Variants in EPHA6 observed in about 807,000 individuals in gnomAD.
The protein encoded by EPHA6 is EPH receptor A6.
In EPHA6, 50 loss-of-function variants were observed where a neutral mutation model predicts 112.0. That is an observed-to-expected ratio of 0.45 (90% CI 0.36 to 0.56). The LOEUF (loss-of-function observed/expected upper bound fraction) is 0.56. Among genes scored for constraint, EPHA6 ranks in the 20% least tolerant of loss-of-function variants. The pLI, the probability that EPHA6 is intolerant of heterozygous loss-of-function variation, is 0.00. For synonymous variants in EPHA6, 529 were observed against 490.7 expected (o/e 1.08, Z -1.03); for missense variants, 1,280 against 1,417.4 (o/e 0.90, Z 1.56).
intron 3 of EPHA6, among the ~76,000 whole-genome samples, chr3:97,027,343 G>C (rs1228955492): frequency 6.6e-6 from 1 of 152,026 alleles, no homozygotes; most frequent in African/African-American, 2.4e-5. Context: ...ATGAGTACTA[G>C]GCTTAATACC....
intron 3 of EPHA6, among the ~76,000 whole-genome samples, chr3:97,152,521 G>A (rs1210289132): frequency 6.6e-6 from 1 of 151,386 alleles, no homozygotes; most frequent in Non-Finnish European, 1.5e-5. Flanking sequence ...AATGCATAGA[G>A]GAGCAAAATT....
intron 3 of EPHA6, among the ~76,000 whole-genome samples, chr3:97,220,259 T>C (rs932482406): frequency 6.6e-6 from 1 of 152,230 alleles, no homozygotes; most frequent in African/African-American, 2.4e-5. Flanking sequence ...TCTAGAAAGT[T>C]CCAAACTTTC....
At chr3:97,437,403 T>C (rs1208214276) in intron 6 of EPHA6, among the ~76,000 whole-genome samples, 1 of 152,194 alleles carries the variant, frequency 6.6e-6, no homozygotes, top group Non-Finnish European at 1.5e-5. Flanking sequence ...TGGTTTAACT[T>C]TGAAAATGTT....
At chr3:97,289,351 T>G (rs2080595969) in intron 5 of EPHA6, among the ~76,000 whole-genome samples, 1 of 152,088 alleles carries the variant, frequency 6.6e-6, no homozygotes, top group South Asian at 2.1e-4. Flanking sequence ...CTTTCCCCAT[T>G]GTTTATTTGT....
At position 97,499,925 on chromosome 3, in the gene EPHA6, AT is replaced by A. The variant is rs201656892; in HGVS notation, c.2200+15872del. 7.2e-3 allele frequency among the ~76,000 whole-genome samples: 1,092 copies of A among 152,080 alleles called. 10 individuals are homozygous for A. The highest frequency in any genetic ancestry group is 0.025 in the African/African-American group (1,041 of 41,466). On this transcript the variant is annotated intron_variant, in intron 10 of 17. Coordinates refer to ENST00000389672, the MANE Select transcript of EPHA6 (RefSeq NM_001080448.3). Reference sequence around the variant, plus strand: ...TACACTAAATGTATAAAATACAAATATTTTTTCTTCAATAATAAATTTTATT... The same window carrying A: ...TACACTAAATGTATAAAATACAAATATTTTTCTTCAATAATAAATTTTATT...
At chr3:97,230,370 T>A (rs2078489447) in intron 4 of EPHA6, among the ~76,000 whole-genome samples, 1 of 152,184 alleles carries the variant, frequency 6.6e-6, no homozygotes, top group African/African-American at 2.4e-5. Flanking sequence ...CATTTTTGAA[T>A]CAGATATGTG....
chr3:97,523,528 T>C (rs940993180), intron 10 of EPHA6, among the ~76,000 whole-genome samples: 1 of 152,090 alleles, frequency 6.6e-6, no homozygotes, highest in Non-Finnish European at 1.5e-5. Flanking sequence ...TGTATATACC[T>C]GTTAGGTCCA....
intron 2 of EPHA6, among the ~76,000 whole-genome samples, chr3:96,968,272 C>CTG (rs1331872952): frequency 6.6e-6 from 1 of 151,452 alleles, no homozygotes; most frequent in Non-Finnish European, 1.5e-5. Flanking sequence ...TAGCTTAGTT[C>CTG]TGTGTCCTTT....
At position 97,701,806 on chromosome 3, in the gene EPHA6, A is replaced by G. The variant is rs542051998; in HGVS notation, c.2785-18455A>G. On this transcript the variant is annotated intron_variant, in intron 14 of 17. Transcript: ENST00000389672. Reference sequence around the variant, plus strand: ...TCTAATCCTTTCTTTCTTCTTTTCCATAACCCCTCAACTATAATGCAATCA... The same window carrying G: ...TCTAATCCTTTCTTTCTTCTTTTCCGTAACCCCTCAACTATAATGCAATCA... Among the ~76,000 whole-genome samples, 4 of 152,084 alleles carry G rather than the reference A, an allele frequency of 2.6e-5. No homozygotes were observed. The East Asian group carries it at 7.7e-4, about 29-fold the overall frequency.
intron 11 of EPHA6, among the ~76,000 whole-genome samples, chr3:97,578,712 C>T (rs975885788): frequency 6.6e-6 from 1 of 152,118 alleles, no homozygotes; most frequent in African/African-American, 2.4e-5. Flanking sequence ...AAGATTTTTT[C>T]AGACCGAAGA....
intron 3 of EPHA6, among the ~76,000 whole-genome samples, chr3:97,098,663 A>C (rs1290512939): frequency 1.3e-5 from 2 of 151,908 alleles, no homozygotes; most frequent in Non-Finnish European, 1.5e-5. Context: ...CCCTTATGAC[A>C]AAGAAGTCAG....
At chr3:97,132,660 A>C (rs2075661721) in intron 3 of EPHA6, among the ~76,000 whole-genome samples, 1 of 152,058 alleles carries the variant, frequency 6.6e-6, no homozygotes, top group Admixed American at 6.6e-5. Flanking sequence ...TACCAGTTTT[A>C]TTTTACAATC....
chr3:97,612,045 A>C (rs1323618883), intron 13 of EPHA6, among the ~76,000 whole-genome samples: 5 of 152,042 alleles, frequency 3.3e-5, no homozygotes, highest in Non-Finnish European at 5.9e-5. Flanking sequence ...GTATACTCTC[A>C]ACCAAGTGTG....
chr3:96,848,207 A>G (rs1328950306), intron 1 of EPHA6, among the ~76,000 whole-genome samples: 1 of 152,070 alleles, frequency 6.6e-6, no homozygotes, highest in Admixed American at 6.6e-5. Context: ...AAAGTTCTAA[A>G]TGTGATAACA....
chr3:97,744,720 T>G (rs2035640601), intron 16 of EPHA6, among the ~76,000 whole-genome samples: 1 of 151,914 alleles, frequency 6.6e-6, no homozygotes, highest in South Asian at 2.1e-4. Flanking sequence ...GACATAAAAT[T>G]AGCAATTTAC....
chr3:97,416,462 G>T (rs1025695437), intron 6 of EPHA6, among the ~76,000 whole-genome samples: 3 of 152,052 alleles, frequency 2.0e-5, no homozygotes, highest in African/African-American at 7.2e-5. Context: ...ATTAATAACT[G>T]TGACAAAATG....
At chr3:97,043,174 C>G (rs1266878925) in intron 3 of EPHA6, among the ~76,000 whole-genome samples, 3 of 152,076 alleles carry the variant, frequency 2.0e-5, no homozygotes, top group Non-Finnish European at 4.4e-5. Flanking sequence ...CAGCGGTCTT[C>G]CCTTCTGTAT....
intron 10 of EPHA6, among the ~76,000 whole-genome samples, chr3:97,521,923 CA>C (rs754123519): frequency 0.31 from 27,567 of 88,010 alleles, 3,386 homozygotes; most frequent in African/African-American, 0.49. Context: ...GAGCCTTTTT[CA>C]AAAAAAAAAA....
At chr3:96,890,004 T>C (rs939913387) in intron 2 of EPHA6, among the ~76,000 whole-genome samples, 2 of 151,990 alleles carry the variant, frequency 1.3e-5, no homozygotes, top group Non-Finnish European at 2.9e-5. Flanking sequence ...TTATACCTTA[T>C]ACACAAAAGT....
Sources: allele counts gnomAD v4.1 joint callset (sites outside exome capture counted in the v4.1 genomes callset), GRCh38; gene constraint gnomAD v4.1.1; transcripts MANE v1.5; gene names NCBI Gene and HGNC (gene_info 2026-07-23, HGNC 2026-07-21).